ABCC3: variants seen among roughly 807,000 people sequenced by gnomAD.
ABCC3 encodes the protein ATP-binding cassette sub-family C member 3.
A neutral mutation model predicts 165.3 loss-of-function variants in ABCC3; 121 were observed. The observed-to-expected ratio is 0.73, with a 90% CI of 0.63 to 0.85. ABCC3 has a LOEUF of 0.85. Ranked by LOEUF, ABCC3 falls within the 40% of genes least tolerant of loss-of-function variation. The pLI, the probability that ABCC3 is intolerant of heterozygous loss-of-function variation, is 0.00. For synonymous variants in ABCC3, 733 were observed against 810.1 expected (o/e 0.90, Z 1.62); for missense variants, 1,869 against 1,964.1 (o/e 0.95, Z 0.92).
intron 1 of ABCC3, among the ~76,000 whole-genome samples, chr17:50,650,225 C>T (rs1967088552): frequency 1.3e-5 from 2 of 152,182 alleles, no homozygotes; most frequent in Non-Finnish European, 2.9e-5. Flanking sequence ...CCTGCCTCAG[C>T]CTCTCAAGTA....
intron 29 of ABCC3, among the ~76,000 whole-genome samples, chr17:50,685,262 C>A (rs1485784866): frequency 6.6e-6 from 1 of 152,206 alleles, no homozygotes; most frequent in African/African-American, 2.4e-5. Flanking sequence ...TCCTCAGCCA[C>A]TGGGCTATGC....
intron 6 of ABCC3, among the ~76,000 whole-genome samples, chr17:50,658,754 G>A (rs1967314152): frequency 6.6e-6 from 1 of 152,256 alleles, no homozygotes; most frequent in Non-Finnish European, 1.5e-5. Context: ...GGCCCAGGAG[G>A]CTGGAAGAAG....
intron 26 of ABCC3, among the ~76,000 whole-genome samples, chr17:50,682,345 T>TAAAAAAAAAA (rs35507460): frequency 7.6e-6 from 1 of 131,588 alleles, no homozygotes. Context: ...CCAAGAGATT[T>TAAAAAAAAAA]AAAAAAAAAA....
rs1289896368 is a variant in ABCC3 at position 50,659,739 on chromosome 17, C to T, written c.806+371C>T. Among the ~76,000 whole-genome samples, 6 of 152,178 alleles carry T rather than the reference C, an allele frequency of 3.9e-5. No individual in the cohort carries two copies. In the East Asian group the frequency reaches 9.6e-4, roughly 24 times the overall value. On this transcript the variant is annotated intron_variant, in intron 7 of 30. Coordinates refer to ENST00000285238, the MANE Select transcript of ABCC3 (RefSeq NM_003786.4). ...GTGGCTCACAGCTGTAATCCTAACA[C>T]TTTGAGATGCCAAGGCAGGAGGATT...
intron 18 of ABCC3, 97 bp downstream of exon 18, chr17:50,673,235 GT>G: frequency 6.7e-7 from 1 of 1,485,944 alleles, no homozygotes; most frequent in Non-Finnish European, 9.1e-7. Context: ...ACTTGGAGGT[GT>G]GGGGGGCGCA....
At chr17:50,662,828 A>G (rs1021890192) in intron 8 of ABCC3, among the ~76,000 whole-genome samples, 1 of 152,060 alleles carries the variant, frequency 6.6e-6, no homozygotes, top group African/African-American at 2.4e-5. Context: ...GGCTATGATT[A>G]TGGCTGGAGG....
At chr17:50,683,507 A>G in intron 26 of ABCC3, 103 bp from the exon 27 acceptor site, 1 of 1,315,592 alleles carries the variant, frequency 7.6e-7, no homozygotes, top group East Asian at 2.8e-5. Flanking sequence ...CCTCCCAGGG[A>G]CCATAGTTGG....
Position 50,655,820 on chromosome 17 carries a change from C to T in ABCC3, c.46-12C>T. ...GGCTGCCACAGCACTAAACTGTTCT[C>T]TGTGTCCCCAGGACTCCAACCTGTC... On this transcript the variant is annotated splice_polypyrimidine_tract_variant and intron_variant, in intron 1 of 30. Transcript: ENST00000285238. 1 of 1,613,446 alleles carries T rather than the reference C, an allele frequency of 6.2e-7. No individual in the cohort carries two copies. Among genetic ancestry groups the T allele is most frequent in the Non-Finnish European group, 8.5e-7 (1 of 1,179,616 alleles).
At chr17:50,666,119 G>A (rs1967522546) in intron 11 of ABCC3, among the ~76,000 whole-genome samples, 1 of 152,242 alleles carries the variant, frequency 6.6e-6, no homozygotes. Flanking sequence ...TGCCTGGAAT[G>A]CTTGTCATCC....
chr17:50,674,956 C>T (rs1046884205), intron 19 of ABCC3, among the ~76,000 whole-genome samples: 2 of 151,996 alleles, frequency 1.3e-5, no homozygotes, highest in African/African-American at 4.8e-5. Flanking sequence ...CCCGCCACCA[C>T]GCCCGGCTAA....
chr17:50,690,617 C>CAGA (rs761327076), intron 30 of ABCC3, among the ~76,000 whole-genome samples: 1 of 152,012 alleles, frequency 6.6e-6, no homozygotes, highest in African/African-American at 2.4e-5. Flanking sequence ...ACCCACCGAG[C>CAGA]AGCAGCAGCA....
intron 1 of ABCC3, among the ~76,000 whole-genome samples, chr17:50,646,798 C>A (rs1373541378): frequency 6.6e-6 from 1 of 152,218 alleles, no homozygotes; most frequent in Non-Finnish European, 1.5e-5. Flanking sequence ...CCCAATGTTA[C>A]CCTTAAAGAA....
At chr17:50,674,537 C>G (rs1404736193) in intron 19 of ABCC3, 4 of 152,204 alleles carry the variant, frequency 2.6e-5, no homozygotes, top group Admixed American at 1.3e-4. Flanking sequence ...GTTCCAGACA[C>G]TAAGCTATAG....
chr17:50,637,474 A>G (rs2054190884), intron 1 of ABCC3, among the ~76,000 whole-genome samples: 1 of 151,744 alleles, frequency 6.6e-6, no homozygotes, highest in African/African-American at 2.4e-5. Context: ...CTCCCCCTGA[A>G]CCTTTACCTT....
intron 1 of ABCC3, among the ~76,000 whole-genome samples, chr17:50,640,850 G>A (rs1386589470): frequency 6.6e-6 from 1 of 152,130 alleles, no homozygotes; most frequent in African/African-American, 2.4e-5. Flanking sequence ...GGCTGAGGGA[G>A]GGTGAGTGGG....
At chr17:50,642,172 C>T (rs1480741958) in intron 1 of ABCC3, among the ~76,000 whole-genome samples, 1 of 152,220 alleles carries the variant, frequency 6.6e-6, no homozygotes, top group Admixed American at 6.5e-5. Flanking sequence ...AAGGAACTGC[C>T]ATCCCCGGGC....
intron 18 of ABCC3, 76 bp downstream of exon 18, chr17:50,673,214 G>A (rs1597856242): frequency 6.4e-6 from 10 of 1,566,676 alleles, no homozygotes; most frequent in Middle Eastern, 2.0e-4. Context: ...AGGCTGAGGG[G>A]TTTGGATGAG....
chr17:50,656,665 C>A (rs1967255345), intron 2 of ABCC3, 37 bp from the exon 3 acceptor site: 2 of 1,590,756 alleles, frequency 1.3e-6, no homozygotes, highest in Non-Finnish European at 1.7e-6. Flanking sequence ...GTCCTTGCCT[C>A]TGGGGATGCG....
intron 26 of ABCC3, among the ~76,000 whole-genome samples, chr17:50,682,934 C>T (rs1349013050): frequency 2.6e-5 from 4 of 152,090 alleles, no homozygotes; most frequent in Admixed American, 1.3e-4. Flanking sequence ...GGCACAGTGG[C>T]TCACACCTGT....
Sources: gnomAD v4.1 joint callset for allele counts (sites outside exome capture counted in the v4.1 genomes callset) on GRCh38, gnomAD v4.1.1 for gene constraint, MANE v1.5 for transcripts, NCBI Gene and HGNC (gene_info 2026-07-23, HGNC 2026-07-21) for gene names.